The following ABL2 variants were observed in gnomAD, a reference collection of about 807,000 sequenced individuals.
ABL2 encodes the protein tyrosine-protein kinase ABL2.
Under a neutral mutation model 107.7 loss-of-function variants are expected in ABL2, and 49 were observed. The observed-to-expected ratio is 0.45, with a 90% CI of 0.36 to 0.58. The LOEUF (loss-of-function observed/expected upper bound fraction) is 0.58. ABL2 is among the 20% of genes least tolerant of loss of function. ABL2 has a pLI of 0.00. For synonymous variants in ABL2, 549 were observed against 548.6 expected, an observed-to-expected ratio of 1.00 and a Z score of -0.01; for missense variants, 1,245 against 1,457.0, an observed-to-expected ratio of 0.85 and a Z score of 2.37.
chr1:179,101,745 C>A lies in ABL2; in HGVS notation c.*5973G>T. 5.4e-6 allele frequency: 1 copy of A among 186,524 alleles called. No individual in the cohort carries two copies. Among genetic ancestry groups the A allele is most frequent in the Non-Finnish European group, 1.1e-5 (1 of 88,180 alleles). The allele number at this position is 186,524 out of a possible 1,614,324, so 11.6% of individuals were successfully genotyped here. On this transcript the variant is annotated 3_prime_UTR_variant, in exon 12 of 12. Coordinates refer to ENST00000502732, the MANE Select transcript of ABL2 (RefSeq NM_007314.4). ...GGTGGCATGAAAAGCAGAAATTCAT[C>A]CGTCTGCACATTGCAATAAACTTCC...
At position 179,108,462 on chromosome 1, in the gene ABL2, G is replaced by C; in HGVS notation, c.2805C>G (p.Ile935Met). 6.2e-7 allele frequency: 1 copy of C among 1,614,256 alleles called. No individual in the cohort carries two copies. Among genetic ancestry groups the C allele is most frequent in the East Asian group, 2.2e-5 (1 of 44,892 alleles). ...CTGGAGTGTGTTTCAGAGTGGGTGA[G>C]ATAAGGACTGGCACTTTGTGGTTGT... Reference protein sequence around the residue: ...TTHNHKVPVLISPTLKHTPAD... With the variant: ...TTHNHKVPVLMSPTLKHTPAD... The change falls in exon 12 of 12, where the codon ATC becomes ATG. Residue 935 changes from isoleucine (I) to methionine (M), a missense_variant. Coordinates refer to ENST00000502732, the MANE Select transcript of ABL2 (RefSeq NM_007314.4).
intron 1 of ABL2, among the ~76,000 whole-genome samples, chr1:179,214,711 G>C (rs73044788): frequency 0.023 from 3,497 of 151,814 alleles, 121 homozygotes; most frequent in African/African-American, 0.08. Flanking sequence ...AGGAAAGATG[G>C]AGAAGATATT....
rs930508035 is a variant in ABL2 at position 179,103,383 on chromosome 1, C to T, written c.*4335G>A. On this transcript the variant is annotated 3_prime_UTR_variant, in exon 12 of 12. Coordinates refer to ENST00000502732, the MANE Select transcript of ABL2 (RefSeq NM_007314.4). ...CTTATCTTTTAAACAGACAATACTA[C>T]AACCTTATAGTTATATTACAGTTGA... 9.8e-6 allele frequency: 2 copies of T among 204,362 alleles called. No homozygotes were observed. The highest frequency in any genetic ancestry group is 7.6e-5 in the East Asian group (1 of 13,234). The allele number at this position is 204,362 out of a possible 1,614,324, so 12.7% of individuals were successfully genotyped here.
At chr1:179,215,510 G>A (rs1662512091) in intron 1 of ABL2, among the ~76,000 whole-genome samples, 1 of 152,062 alleles carries the variant, frequency 6.6e-6, no homozygotes, top group African/African-American at 2.4e-5. Flanking sequence ...AAGGTGGGTG[G>A]ATCACTTGAG....
At chr1:179,143,038 G>T in intron 1 of ABL2, 1 of 1,613,998 alleles carries the variant, frequency 6.2e-7, no homozygotes, top group South Asian at 1.1e-5. Flanking sequence ...ACTGTCCCAA[G>T]GACCATACCT....
Position 179,171,010 on chromosome 1 carries a change from C to T in ABL2, c.158-37636G>A, listed in dbSNP as rs2793793. On this transcript the variant is annotated intron_variant, in intron 1 of 11. Transcript: ENST00000502732. ...TGAGCCACCTCATCTGGCAATAATA[C>T]CTTTCTTAAAAAAATAATAATAATC... Among the ~76,000 whole-genome samples the T allele has an allele frequency of 2.6e-5, 4 of 152,078 alleles. No individual in the cohort carries two copies. The East Asian group carries it at 5.8e-4, about 22-fold the overall frequency.
At chr1:179,142,802 C>T (rs1288308327) in intron 1 of ABL2, 3 of 1,020,758 alleles carry the variant, frequency 2.9e-6, no homozygotes, top group Non-Finnish European at 4.2e-6. Flanking sequence ...CCCAAGAAAG[C>T]ACACAAACTT....
chr1:179,199,141 C>G (rs549210243), intron 1 of ABL2, among the ~76,000 whole-genome samples: 1 of 152,224 alleles, frequency 6.6e-6, no homozygotes, highest in African/African-American at 2.4e-5. Flanking sequence ...CCACACCTGG[C>G]AAATTATCCC....
intron 1 of ABL2, among the ~76,000 whole-genome samples, chr1:179,142,387 AAAT>A: frequency 6.6e-6 from 1 of 152,320 alleles, no homozygotes; most frequent in South Asian, 2.1e-4. Context: ...TTAAAACCCA[AAAT>A]AATAAAACTG....
chr1:179,132,192 A>G (rs1656398983), intron 2 of ABL2, among the ~76,000 whole-genome samples: 1 of 152,258 alleles, frequency 6.6e-6, no homozygotes, highest in South Asian at 2.1e-4. Context: ...GTAAATATCA[A>G]TAACTTAATT....
chr1:179,169,540 C>G (rs1262402627), intron 1 of ABL2, among the ~76,000 whole-genome samples: 2 of 149,934 alleles, frequency 1.3e-5, no homozygotes, highest in Non-Finnish European at 3.0e-5. Context: ...AGAGCAAGAC[C>G]CCATCTCAAA....
rs1298508338 is a variant in ABL2 at position 179,110,197 on chromosome 1, G to A, written c.1825+85C>T. The stretch of plus-strand genomic sequence containing the variant: ...TGCTTTCCCCAGGGAGGACGGGCAT[G>A]AAAGTGGACATAAAAGCCTCACACC... On this transcript the variant is annotated intron_variant, in intron 11 of 11. Transcript: ENST00000502732. 7 of 1,505,318 alleles carry A rather than the reference G, an allele frequency of 4.7e-6. No homozygotes were observed. The African/African-American group carries it at 8.4e-5, about 18-fold the overall frequency. 93.2% of individuals were successfully genotyped at this position (1,505,318 alleles called of 1,614,324 possible). A position where few individuals can be genotyped will look rare whatever the true frequency, so the allele number is the denominator to read the frequency against.
At chr1:179,116,469 C>T (rs1216614053) in intron 8 of ABL2, among the ~76,000 whole-genome samples, 6 of 151,902 alleles carry the variant, frequency 3.9e-5, no homozygotes, top group Non-Finnish European at 8.8e-5. Context: ...AGACTGTGAG[C>T]TCTCTGAAGG....
intron 11 of ABL2, among the ~76,000 whole-genome samples, chr1:179,109,770 TACAAAA>T (rs945762869): frequency 6.0e-4 from 91 of 151,778 alleles, no homozygotes; most frequent in Admixed American, 1.7e-3. Context: ...CTACTAAAAC[TACAAAA>T]AATTAGCTGG....
intron 1 of ABL2, among the ~76,000 whole-genome samples, chr1:179,214,989 T>G (rs894426484): frequency 6.6e-6 from 1 of 151,932 alleles, no homozygotes; most frequent in Non-Finnish European, 1.5e-5. Context: ...GTGAAACTCC[T>G]TCTCTACTAA....
rs375041123 is a variant in ABL2, at chr1:179,102,668, A to G, written c.*5050T>C. ...AAATATAGATAACCCTGTCAACCCA[A>G]TATGAACTCCTGGTAGGGGCACAGC... On this transcript the variant is annotated 3_prime_UTR_variant, in exon 12 of 12. Transcript: ENST00000502732. The G allele has an allele frequency of 4.3e-6, 1 of 230,026 alleles. No individual in the cohort carries two copies. 14.2% of individuals were successfully genotyped at this position (230,026 alleles called of 1,614,324 possible).
rs537043503 is a variant in ABL2, at chr1:179,173,949, T to C, written c.158-40575A>G. ...AGGAATAATTACAATGCCACCTACC[T>C]TCTCAAGAAAACCCTGAAGTATGAT... On this transcript the variant is annotated intron_variant, in intron 1 of 11. Coordinates refer to ENST00000502732, the MANE Select transcript of ABL2 (RefSeq NM_007314.4). Among the ~76,000 whole-genome samples, 839 of 150,378 alleles carry C rather than the reference T, an allele frequency of 5.6e-3. 10 individuals carry two copies. Among genetic ancestry groups the C allele is most frequent in the African/African-American group, 0.019 (796 of 41,438 alleles).
In ABL2 at chr1:179,133,023, T is replaced by C. The variant is rs764431133; in HGVS notation, c.220+289A>G. On this transcript the variant is annotated intron_variant, in intron 2 of 11. Coordinates refer to ENST00000502732, the MANE Select transcript of ABL2 (RefSeq NM_007314.4). ...ACAGGTGCACGCCACCAAGCCCAGC[T>C]AAATTTTGTATTTTCAGTAGAGACG... Among the ~76,000 whole-genome samples the C allele has an allele frequency of 3.7e-4, 56 of 151,786 alleles. 2 individuals carry two copies. The highest frequency in any genetic ancestry group is 1.6e-3 in the Admixed American group (24 of 15,242).
intron 1 of ABL2, among the ~76,000 whole-genome samples, chr1:179,199,194 T>A (rs947643619): frequency 6.6e-6 from 1 of 152,192 alleles, no homozygotes; most frequent in African/African-American, 2.4e-5. Flanking sequence ...TGAGGTTGGA[T>A]GTGTTTAAAT....
Sources: allele counts gnomAD v4.1 joint callset (sites outside exome capture counted in the v4.1 genomes callset), GRCh38; gene constraint gnomAD v4.1.1; transcripts MANE v1.5; gene names NCBI Gene and HGNC (gene_info 2026-07-23, HGNC 2026-07-21).